Variants in TMEM63A observed in about 807,000 individuals in gnomAD.
The protein encoded by TMEM63A is transmembrane protein 63A, also known as mechanosensitive cation channel TMEM63A.
TMEM63A carries 76 observed loss-of-function variants against 100.6 expected under a neutral mutation model. The ratio of observed to expected loss-of-function variants is 0.76; its 90% confidence interval spans 0.63 to 0.91. TMEM63A has a LOEUF of 0.91. Ranked by LOEUF, TMEM63A falls within the 40% of genes least tolerant of loss-of-function variation. The pLI, the probability that TMEM63A is intolerant of heterozygous loss-of-function variation, is 0.00. For synonymous variants in TMEM63A, 401 were observed against 401.1 expected, an observed-to-expected ratio of 1.00 and a Z score of 0.00; for missense variants, 876 against 1,008.8, an observed-to-expected ratio of 0.87 and a Z score of 1.78.
intron 13 of TMEM63A, 194 bp from the exon 14 acceptor site, chr1:225,861,191 G>A (rs1196689883): frequency 4.3e-6 from 2 of 461,598 alleles, no homozygotes; most frequent in East Asian, 3.7e-5. Flanking sequence ...TTTAATCCTC[G>A]CAACCACCAG....
Position 225,872,069 on chromosome 1 carries a change from G to GAA in TMEM63A, c.267-18_267-17dup. 7.0e-7 allele frequency: 1 copy of GAA among 1,421,742 alleles called. No individual in the cohort carries two copies. The highest frequency in any genetic ancestry group is 9.4e-7 in the Non-Finnish European group (1 of 1,058,912). The allele number at this position is 1,421,742 out of a possible 1,614,324, so 88.1% of individuals were successfully genotyped here. A position where few individuals can be genotyped will look rare whatever the true frequency, so the allele number is the denominator to read the frequency against. ...TCTGGACTCGCTAGAGACACAAAAA[G>GAA]AAAAAAAATGACAGATAATTCTTAG... On this transcript the variant is annotated splice_polypyrimidine_tract_variant and intron_variant, in intron 4 of 24. Transcript: ENST00000366835.
intron 15 of TMEM63A, among the ~76,000 whole-genome samples, chr1:225,857,395 G>GGGT: frequency 1.6e-5 from 2 of 124,368 alleles, no homozygotes; most frequent in African/African-American, 7.3e-5. Context: ...GGGGGGGGGG[G>GGGT]GGTGCCCTGC....
chr1:225,878,100 G>A (rs899362360), intron 2 of TMEM63A, among the ~76,000 whole-genome samples: 5 of 152,122 alleles, frequency 3.3e-5, no homozygotes, highest in South Asian at 2.1e-4. Context: ...GTCCATCCAC[G>A]AGCCACAGAC....
chr1:225,848,233 G>A, intron 23 of TMEM63A: 1 of 516,286 alleles, frequency 1.9e-6, no homozygotes, highest in Non-Finnish European at 3.4e-6. Context: ...TGCAGAGAAG[G>A]AAAGAGAGCA....
chr1:225,866,137 C>T (rs2102628570), intron 9 of TMEM63A, 170 bp from the exon 10 acceptor site: 2 of 648,676 alleles, frequency 3.1e-6, no homozygotes, highest in Middle Eastern at 2.8e-4. Flanking sequence ...ATTTACACAG[C>T]GTCTTCTTCC....
In TMEM63A at chr1:225,874,346, T is replaced by C. The variant is rs779164268; in HGVS notation, c.208A>G (p.Ile70Val). 5.0e-6 allele frequency: 8 copies of C among 1,613,440 alleles called. No homozygotes were observed. The highest frequency in any genetic ancestry group is 1.3e-5 in the African/African-American group (1 of 74,848). ...TAGTCCCAGAATCTTCTTCTTATAA[T>C]AGAAAACACCAAGATTAAGAACTAA... ...CFLFLILVFS[I>V]IRRRFWDYGR... Residue 70 changes from isoleucine to valine, a missense_variant, in exon 4 of 25, where the codon ATT (isoleucine) becomes GTT (valine). Transcript: ENST00000366835.
intron 20 of TMEM63A, among the ~76,000 whole-genome samples, chr1:225,850,997 C>T (rs1156625778): frequency 1.3e-5 from 2 of 152,154 alleles, no homozygotes. Context: ...AGGCGAGAGC[C>T]ACCGCACCCG....
Position 225,857,033 on chromosome 1 carries a change from A to T in TMEM63A, c.1378-16T>A, listed in dbSNP as rs763207724. ...TGATCGGGTTCTAGGAGAAAGGTCC[A>T]CAGCAGAGAGAGTCACAGGGGCCGT... On this transcript the variant is annotated splice_polypyrimidine_tract_variant and intron_variant, in intron 15 of 24. Transcript: ENST00000366835. The T allele has an allele frequency of 7.7e-6, 12 of 1,563,864 alleles. No individual in the cohort carries two copies. The highest frequency in any genetic ancestry group is 8.6e-6 in the Non-Finnish European group (10 of 1,161,244).
At chr1:225,852,071 G>A (rs115016428) in intron 20 of TMEM63A, among the ~76,000 whole-genome samples, 7 of 152,392 alleles carry the variant, frequency 4.6e-5, no homozygotes, top group African/African-American at 1.7e-4. Flanking sequence ...TGTGACTCTG[G>A]CACTGTCTTA....
downstream of TMEM63A, chr1:225,845,375 T>TCC: frequency 7.1e-7 from 1 of 1,412,992 alleles, no homozygotes; most frequent in Non-Finnish European, 9.2e-7. Context: ...GCCTGCCACC[T>TCC]CCCCCCACAA....
chr1:225,847,259 C>T (rs1669059673), intron 23 of TMEM63A, 46 bp from the exon 24 acceptor site: 1 of 1,590,172 alleles, frequency 6.3e-7, no homozygotes. Flanking sequence ...GCATGAGCTT[C>T]CACACTGCAT....
Position 225,860,860 on chromosome 1 carries a change from C to A in TMEM63A, c.1223G>T (p.Trp408Leu). Residue 408 changes from tryptophan (W) to leucine (L), a missense_variant and splice_region_variant, in exon 14 of 25, where the codon TGG (tryptophan) becomes TTG (leucine). Transcript: ENST00000366835. ...ACCTCTCCTTGGTCTAGGAGCTTAC[C>A]AGCAGATGTCCTCAGGGTCAGCAGC... ...TFAADPEDIC[W>L]KNLSIQGLRW... 1 of 1,606,576 alleles carries A rather than the reference C, an allele frequency of 6.2e-7. No homozygotes were observed. Among genetic ancestry groups the A allele is most frequent in the South Asian group, 1.1e-5 (1 of 89,894 alleles).
At chr1:225,875,169 C>A (rs910427028) in intron 3 of TMEM63A, among the ~76,000 whole-genome samples, 11 of 152,250 alleles carry the variant, frequency 7.2e-5, no homozygotes, top group Admixed American at 2.6e-4. Flanking sequence ...CAGCAGAGAG[C>A]ATGCATGCAG....
In TMEM63A at chr1:225,866,562, C is replaced by T. The variant is rs768398894; in HGVS notation, c.675+12G>A. The T allele has an allele frequency of 5.6e-6, 9 of 1,612,160 alleles. No individual in the cohort carries two copies. Among genetic ancestry groups the T allele is most frequent in the Admixed American group, 3.3e-5 (2 of 59,950 alleles). The stretch of plus-strand genomic sequence containing the variant: ...CCTCCCAGCACATGTCCCTAAGTCC[C>T]GCCTCACTCACCAGGTTCTCCTCTT... On this transcript the variant is annotated intron_variant, in intron 9 of 24. Transcript: ENST00000366835.
At chr1:225,844,406 C>T (rs755244134), downstream of TMEM63A, 328 of 1,600,504 alleles carry the variant, frequency 2.0e-4, no homozygotes, top group Admixed American at 2.5e-4. Flanking sequence ...GCCGCATGGG[C>T]AGGGCCTGGC....
intron 20 of TMEM63A, among the ~76,000 whole-genome samples, chr1:225,850,625 G>T (rs185876772): frequency 6.6e-6 from 1 of 152,186 alleles, no homozygotes; most frequent in Non-Finnish European, 1.5e-5. Flanking sequence ...AAATAAATGC[G>T]AACTTCGCCT....
chr1:225,875,207 T>G (rs1337811453), intron 3 of TMEM63A, among the ~76,000 whole-genome samples: 1 of 152,182 alleles, frequency 6.6e-6, no homozygotes, highest in Non-Finnish European at 1.5e-5. Flanking sequence ...GAACCTGTGC[T>G]CGGGCTGGCT....
chr1:225,846,741 T>C lies in TMEM63A; in HGVS notation c.*198A>G. 3.1e-6 allele frequency: 1 copy of C among 320,692 alleles called. No homozygotes were observed. The highest frequency in any genetic ancestry group is 5.7e-6 in the Non-Finnish European group (1 of 174,902). The allele number at this position is 320,692 out of a possible 1,614,324, so 19.9% of individuals were successfully genotyped here. Reference sequence around the variant, plus strand: ...GGGGATGTCACCCCAGCTGCAGAGCTGGAAGCTTGTGCCGGAGGGGAAACT... The same window carrying C: ...GGGGATGTCACCCCAGCTGCAGAGCCGGAAGCTTGTGCCGGAGGGGAAACT... On this transcript the variant is annotated 3_prime_UTR_variant, in exon 25 of 25. Transcript: ENST00000366835.
chr1:225,845,142 C>A (rs1466856720), downstream of TMEM63A: 10 of 1,613,960 alleles, frequency 6.2e-6, no homozygotes, highest in Admixed American at 1.5e-4. Context: ...TCTTTCACTT[C>A]CAGGATGAAG....
Sources: gnomAD v4.1 joint callset for allele counts (sites outside exome capture counted in the v4.1 genomes callset) on GRCh38, gnomAD v4.1.1 for gene constraint, MANE v1.5 for transcripts, NCBI Gene and HGNC (gene_info 2026-07-23, HGNC 2026-07-21) for gene names.